TTC17: variants seen among roughly 807,000 people sequenced by gnomAD.
The protein encoded by TTC17 is tetratricopeptide repeat domain 17.
TTC17 carries 58 observed loss-of-function variants against 143.8 expected under a neutral mutation model. That is an observed-to-expected ratio of 0.40 (90% CI 0.33 to 0.50). TTC17 has a LOEUF of 0.50. Ranked by LOEUF, TTC17 falls within the 20% of genes least tolerant of loss-of-function variation. The probability of loss-of-function intolerance (pLI) is 0.49; values close to 1 mark genes in which losing one functional copy is unlikely to be tolerated. For synonymous variants in TTC17, 501 were observed against 497.8 expected (o/e 1.01, Z -0.09); for missense variants, 1,273 against 1,392.5 (o/e 0.91, Z 1.37).
chr11:43,456,179 AACAC>A (rs57261729), intron 21 of TTC17, among the ~76,000 whole-genome samples: 5,271 of 146,224 alleles, frequency 0.036, 113 homozygotes, highest in East Asian at 0.11. Flanking sequence ...TTAGCACAAT[AACAC>A]ACACACACAC....
intron 5 of TTC17, among the ~76,000 whole-genome samples, chr11:43,393,932 C>G (rs969823223): frequency 6.6e-6 from 1 of 152,240 alleles, no homozygotes; most frequent in African/African-American, 2.4e-5. Flanking sequence ...TCCTGCCTTG[C>G]ATATGGCTGC....
At chr11:43,447,222 A>G (rs559849043) in intron 18 of TTC17, among the ~76,000 whole-genome samples, 31 of 152,214 alleles carry the variant, frequency 2.0e-4, no homozygotes, top group African/African-American at 7.2e-4. Context: ...ACTTAACCAC[A>G]TGAGGTTAAA....
At chr11:43,406,143 C>T (rs771110740) in intron 13 of TTC17, among the ~76,000 whole-genome samples, 192 bp downstream of exon 13, 2 of 152,100 alleles carry the variant, frequency 1.3e-5, no homozygotes, top group African/African-American at 2.4e-5. Flanking sequence ...GAGAGTTCCT[C>T]GGGGCTGCTA....
At chr11:43,489,113 T>G (rs1948428187) in intron 21 of TTC17, among the ~76,000 whole-genome samples, 1 of 152,020 alleles carries the variant, frequency 6.6e-6, no homozygotes, top group Non-Finnish European at 1.5e-5. Context: ...GTACCATAAG[T>G]CCAAAGACAG....
At chr11:43,367,780 T>C (rs1013962803) in intron 1 of TTC17, among the ~76,000 whole-genome samples, 1 of 151,976 alleles carries the variant, frequency 6.6e-6, no homozygotes. Context: ...AAAAGAGTTA[T>C]CTGTGCTCGT....
At chr11:43,381,639 G>T (rs1010920554) in intron 2 of TTC17, among the ~76,000 whole-genome samples, 1 of 152,172 alleles carries the variant, frequency 6.6e-6, no homozygotes, top group Non-Finnish European at 1.5e-5. Flanking sequence ...TACATCTTCA[G>T]TTTCCTGAAT....
intron 21 of TTC17, among the ~76,000 whole-genome samples, chr11:43,460,114 T>G (rs1947838005): frequency 6.6e-6 from 1 of 152,162 alleles, no homozygotes; most frequent in African/African-American, 2.4e-5. Flanking sequence ...GATTTTTTTT[T>G]TTTTAACTTC....
chr11:43,392,129 G>A (rs141497828), intron 5 of TTC17, among the ~76,000 whole-genome samples, 177 bp downstream of exon 5: 5 of 152,342 alleles, frequency 3.3e-5, no homozygotes, highest in Admixed American at 3.3e-4. Context: ...AATATGGATA[G>A]ACTAGTCTCC....
chr11:43,422,915 T>C (rs1946940487), intron 16 of TTC17, among the ~76,000 whole-genome samples: 1 of 152,166 alleles, frequency 6.6e-6, no homozygotes, highest in Non-Finnish European at 1.5e-5. Flanking sequence ...ATTCTAAAAA[T>C]AGAAAGCCCT....
In TTC17 at chr11:43,494,561, G is replaced by C. The variant is rs1948526921; in HGVS notation, c.*657G>C. The C allele has an allele frequency of 6.6e-6, 1 of 152,114 alleles. No individual in the cohort carries two copies. The highest frequency in any genetic ancestry group is 2.1e-4 in the South Asian group (1 of 4,824). The allele number at this position is 152,114 out of a possible 1,614,324, so 9.4% of individuals were successfully genotyped here. On this transcript the variant is annotated 3_prime_UTR_variant, in exon 24 of 24. Coordinates refer to ENST00000039989, the MANE Select transcript of TTC17 (RefSeq NM_018259.6). ...GTTGGGGAGGGAGGGGGGCTGAGAA[G>C]GGGAAATCAGCAGTGTGCAACATCT...
At chr11:43,405,714 A>T (rs1175907151) in intron 12 of TTC17, 72 bp from the exon 13 acceptor site, 1 of 1,611,838 alleles carries the variant, frequency 6.2e-7, no homozygotes, top group Admixed American at 1.7e-5. Flanking sequence ...CTTGGACTTG[A>T]AAAGTTAAGT....
At chr11:43,467,689 C>T (rs931880173) in intron 21 of TTC17, among the ~76,000 whole-genome samples, 1 of 151,970 alleles carries the variant, frequency 6.6e-6, no homozygotes, top group Admixed American at 6.6e-5. Flanking sequence ...AACAGTAGAA[C>T]AGATGATTAG....
intron 21 of TTC17, among the ~76,000 whole-genome samples, chr11:43,480,862 C>CA (rs1036402991): frequency 1.3e-5 from 1 of 79,090 alleles, no homozygotes; most frequent in Admixed American, 1.3e-4. Flanking sequence ...GAGGATGAGC[C>CA]AAAAAAAATC....
chr11:43,466,847 C>G (rs191747389), intron 21 of TTC17: 1 of 271,200 alleles, frequency 3.7e-6, no homozygotes, highest in Non-Finnish European at 7.3e-6. Context: ...CAAGCAAGAT[C>G]GCCATTGCCA....
chr11:43,374,982 A>G (rs536242065), intron 1 of TTC17, among the ~76,000 whole-genome samples: 12 of 152,350 alleles, frequency 7.9e-5, no homozygotes, highest in South Asian at 6.2e-4. Context: ...ATTAGGTGGA[A>G]GTTTAGAAAT....
rs1855977641 is a variant in TTC17 at position 43,359,006 on chromosome 11, G to C, written c.52G>C (p.Gly18Arg). The change falls in exon 1 of 24, where the codon GGC (glycine) becomes CGC (arginine). Residue 18 changes from glycine (G) to arginine (R), a missense_variant. Coordinates refer to ENST00000039989, the MANE Select transcript of TTC17 (RefSeq NM_018259.6). ...RGRYELPPCSGPGWLLSLSAL... is the reference protein window; with the variant it reads ...RGRYELPPCSRPGWLLSLSAL... ...CCGGTACGAGCTGCCGCCTTGCTCCGGCCCAGGCTGGCTCCTCAGCCTTTC... is the reference window on the plus strand; with the variant it reads ...CCGGTACGAGCTGCCGCCTTGCTCCCGCCCAGGCTGGCTCCTCAGCCTTTC... 6.3e-7 allele frequency: 1 copy of C among 1,586,460 alleles called. No homozygotes were observed. Among genetic ancestry groups the C allele is most frequent in the Non-Finnish European group, 8.6e-7 (1 of 1,167,360 alleles).
intron 16 of TTC17, among the ~76,000 whole-genome samples, chr11:43,418,161 ATTAT>A (rs1297528217): frequency 6.6e-6 from 1 of 152,224 alleles, no homozygotes; most frequent in African/African-American, 2.4e-5. Context: ...TTAATGAAGT[ATTAT>A]TTATCTGACA....
Position 43,450,228 on chromosome 11 carries a change from G to A in TTC17, c.2933G>A (p.Ser978Asn). The A allele has an allele frequency of 6.2e-7, 1 of 1,613,624 alleles. No homozygotes were observed. Among genetic ancestry groups the A allele is most frequent in the Non-Finnish European group, 8.5e-7 (1 of 1,179,768 alleles). ...NRASLHYTGE[S>N]QLTEVLQNLG... ...GCCAGCCTGCACTACACAGGGGAGA[G>A]TCAGTTAACAGAGGTGAGTGCTCGG... The change falls in exon 20 of 24, where the codon AGT becomes AAT. Residue 978 changes from serine to asparagine, a missense_variant. Physicochemically the swap from Ser to Asn is conservative, Grantham distance 46 (BLOSUM62 1). Transcript: ENST00000039989.
At chr11:43,466,259 T>A (rs1947970421) in intron 21 of TTC17, 1 of 152,172 alleles carries the variant, frequency 6.6e-6, no homozygotes, top group Non-Finnish European at 1.5e-5. Flanking sequence ...TGGCCACTAT[T>A]AAAAACATAA....
Sources: allele counts gnomAD v4.1 joint callset (sites outside exome capture counted in the v4.1 genomes callset), GRCh38; gene constraint gnomAD v4.1.1; transcripts MANE v1.5; gene names NCBI Gene and HGNC (gene_info 2026-07-23, HGNC 2026-07-21).